Variants in CSMD1 observed in about 807,000 individuals in gnomAD.
The protein encoded by CSMD1 is CUB and sushi domain-containing protein 1.
In CSMD1, 213 loss-of-function variants were observed where a neutral mutation model predicts 417.5. The observed-to-expected ratio is 0.51, with a 90% CI of 0.46 to 0.57. The LOEUF (loss-of-function observed/expected upper bound fraction) is 0.57, where lower values mean the gene tolerates loss of function less well. CSMD1 is among the 20% of genes least tolerant of loss of function. The probability of loss-of-function intolerance (pLI) is 0.00; values close to 1 mark genes in which losing one functional copy is unlikely to be tolerated. For synonymous variants in CSMD1, 2,862 were observed against 1,736.8 expected (o/e 1.65, Z -16.11); for missense variants, 6,923 against 4,529.7 (o/e 1.53, Z -15.17).
intron 3 of CSMD1, among the ~76,000 whole-genome samples, chr8:4,243,183 C>A (rs994755405): frequency 6.6e-6 from 1 of 152,036 alleles, no homozygotes; most frequent in Non-Finnish European, 1.5e-5. Flanking sequence ...AGCCTCTGCT[C>A]TGGGCTGAGG....
chr8:4,043,563 T>C (rs551487674), intron 3 of CSMD1, among the ~76,000 whole-genome samples: 3 of 152,336 alleles, frequency 2.0e-5, no homozygotes, highest in Admixed American at 6.5e-5. Context: ...TTATGTGTGC[T>C]GCTGTCTGGC....
intron 10 of CSMD1, among the ~76,000 whole-genome samples, chr8:3,501,961 T>C (rs1363574848): frequency 6.6e-6 from 1 of 152,096 alleles, no homozygotes; most frequent in South Asian, 2.1e-4. Context: ...CATACAACAA[T>C]CATTGCTGAT....
chr8:4,784,224 G>A (rs907038732), intron 1 of CSMD1, among the ~76,000 whole-genome samples: 21 of 152,176 alleles, frequency 1.4e-4, no homozygotes, highest in African/African-American at 3.4e-4. Flanking sequence ...TGAACATTGC[G>A]GCCTATTGTA....
At chr8:3,806,804 A>G (rs1234778609) in intron 5 of CSMD1, among the ~76,000 whole-genome samples, 1 of 152,218 alleles carries the variant, frequency 6.6e-6, no homozygotes, top group Non-Finnish European at 1.5e-5. Flanking sequence ...TAGGTGCAGC[A>G]TAGTTCAGAA....
intron 3 of CSMD1, among the ~76,000 whole-genome samples, chr8:4,380,526 G>C (rs1019648389): frequency 6.6e-6 from 1 of 152,200 alleles, no homozygotes; most frequent in African/African-American, 2.4e-5. Flanking sequence ...GGGAGCCCAA[G>C]GAGACGTGAC....
intron 3 of CSMD1, among the ~76,000 whole-genome samples, chr8:4,202,067 C>T (rs930365630): frequency 6.6e-6 from 1 of 150,988 alleles, no homozygotes; most frequent in African/African-American, 2.4e-5. Context: ...GCTCTTAATG[C>T]TTGCCTCTCA....
intron 3 of CSMD1, among the ~76,000 whole-genome samples, chr8:4,090,861 CT>C (rs1214001819): frequency 6.6e-6 from 1 of 151,332 alleles, no homozygotes; most frequent in Non-Finnish European, 1.5e-5. Flanking sequence ...GATGCCATAA[CT>C]ATTTTACTAA....
chr8:3,596,307 C>A (rs981814301), intron 8 of CSMD1, among the ~76,000 whole-genome samples: 2 of 152,120 alleles, frequency 1.3e-5, no homozygotes, highest in Non-Finnish European at 2.9e-5. Context: ...CATGAACATG[C>A]CCAGGCAGCA....
Position 3,586,125 on chromosome 8 carries a change from A to C in CSMD1, c.1222+11T>G. ...AGATAATCCAGGCTTTACCCACCGC[A>C]GGTGCCTTACCTCGGCAGATGGGCC... On this transcript the variant is annotated intron_variant, in intron 9 of 69. Transcript: ENST00000635120. 6.2e-7 allele frequency: 1 copy of C among 1,609,130 alleles called. No homozygotes were observed.
chr8:4,163,901 T>G (rs1432055944), intron 3 of CSMD1, among the ~76,000 whole-genome samples: 1 of 152,190 alleles, frequency 6.6e-6, no homozygotes, highest in African/African-American at 2.4e-5. Flanking sequence ...GAATCAAGGT[T>G]TGGTTACTCG....
chr8:4,594,235 G>C lies in CSMD1; in HGVS notation c.302+43107C>G, dbSNP rs375337572. On this transcript the variant is annotated intron_variant, in intron 2 of 69. Transcript: ENST00000635120. ...TTTTTTTTCTCTGAGACGGGGTCTT[G>C]CTCTGTTACCCAGGCTGGAGTGCAG... Among the ~76,000 whole-genome samples, 8 of 111,958 alleles carry C rather than the reference G, an allele frequency of 7.1e-5. No individual in the cohort carries two copies. The East Asian group carries it at 1.8e-3, about 25-fold the overall frequency. 73.4% of individuals were successfully genotyped at this position (111,958 alleles called of 152,430 possible). A position where few individuals can be genotyped will look rare whatever the true frequency, so the allele number is the denominator to read the frequency against.
chr8:3,903,674 G>A lies in CSMD1; in HGVS notation c.818+94229C>T, dbSNP rs183358901. Among the ~76,000 whole-genome samples, 93 of 152,238 alleles carry A rather than the reference G, an allele frequency of 6.1e-4. 1 individual carries two copies. In the East Asian group the frequency reaches 0.011, roughly 18 times the overall value. On this transcript the variant is annotated intron_variant, in intron 5 of 69. Coordinates refer to ENST00000635120, the MANE Select transcript of CSMD1 (RefSeq NM_033225.6). ...TGTTCCTTACAAATTGACCCTGGCT[G>A]TCTAATGATGTGATTACACATCAGA... is the stretch of plus-strand genomic sequence containing the variant.
At chr8:4,337,182 C>G (rs976373848) in intron 3 of CSMD1, among the ~76,000 whole-genome samples, 1 of 152,114 alleles carries the variant, frequency 6.6e-6, no homozygotes, top group Non-Finnish European at 1.5e-5. Context: ...CTGTTTGCAA[C>G]AGTGTTATCT....
At chr8:3,838,958 AAATT>A (rs1466565913) in intron 5 of CSMD1, among the ~76,000 whole-genome samples, 2 of 104,810 alleles carry the variant, frequency 1.9e-5, no homozygotes, top group Admixed American at 1.1e-4. Flanking sequence ...TAATATCTAT[AAATT>A]AATATTATAT....
At chr8:4,098,665 C>T (rs62501314) in intron 3 of CSMD1, among the ~76,000 whole-genome samples, 148 of 152,294 alleles carry the variant, frequency 9.7e-4, no homozygotes, top group Non-Finnish European at 1.7e-3. Context: ...TAATTCTTCA[C>T]TGTCTTACGG....
intron 1 of CSMD1, among the ~76,000 whole-genome samples, chr8:4,787,033 G>A (rs1332352988): frequency 6.6e-6 from 1 of 152,338 alleles, no homozygotes; most frequent in African/African-American, 2.4e-5. Flanking sequence ...AGCAGATAGA[G>A]CAGTCACCAC....
chr8:4,184,233 T>C (rs1798539265), intron 3 of CSMD1, among the ~76,000 whole-genome samples: 1 of 152,182 alleles, frequency 6.6e-6, no homozygotes, highest in Non-Finnish European at 1.5e-5. Flanking sequence ...GCAGAGACAA[T>C]ATATTTATTT....
chr8:3,682,893 A>G (rs753880548), intron 7 of CSMD1, among the ~76,000 whole-genome samples: 28 of 152,256 alleles, frequency 1.8e-4, no homozygotes, highest in Non-Finnish European at 3.5e-4. Context: ...TCATTTGTAG[A>G]AACATGGATG....
intron 54 of CSMD1, among the ~76,000 whole-genome samples, chr8:2,995,428 G>C (rs1024378710): frequency 6.6e-6 from 1 of 152,164 alleles, no homozygotes; most frequent in Non-Finnish European, 1.5e-5. Flanking sequence ...AAACTTCATC[G>C]CCCACACATG....
Sources: gnomAD v4.1 joint callset for allele counts (sites outside exome capture counted in the v4.1 genomes callset) on GRCh38, gnomAD v4.1.1 for gene constraint, MANE v1.5 for transcripts, NCBI Gene and HGNC (gene_info 2026-07-23, HGNC 2026-07-21) for gene names.